Variants in NLRP1 observed in about 807,000 individuals in gnomAD.
NLRP1 encodes the protein NLR family pyrin domain containing 1.
NLRP1 carries 94 observed loss-of-function variants against 136.7 expected under a neutral mutation model. That is an observed-to-expected ratio of 0.69 (90% confidence interval 0.58 to 0.82). NLRP1 has a LOEUF of 0.82. NLRP1 is among the 40% of genes least tolerant of loss of function. The pLI, the probability that NLRP1 is intolerant of heterozygous loss-of-function variation, is 0.00. For missense variants in NLRP1, 1,575 were observed against 1,802.7 expected, an observed-to-expected ratio of 0.87 and a Z score of 2.29; for synonymous variants, 690 against 725.1, an observed-to-expected ratio of 0.95 and a Z score of 0.78.
intron 3 of NLRP1, among the ~76,000 whole-genome samples, chr17:5,577,759 C>T (rs1313388945): frequency 6.6e-6 from 1 of 152,126 alleles, no homozygotes; most frequent in East Asian, 1.9e-4. Flanking sequence ...GAAAAAACGA[C>T]TTAAAAGTTC....
rs958466383 is a variant in NLRP1 at position 5,504,922 on chromosome 17, T to TTGGTGG, written c.4070-3056_4070-3051dup. On this transcript the variant is annotated intron_variant, in intron 15 of 15. Coordinates refer to the NLRP1 transcript ENST00000262467. The surrounding 1 kb of genome is among the most constrained non-coding windows in gnomAD (Gnocchi z 4.4). ...TCATGCCCAGCTGAGGAAACAGGCT[T>TTGGTGG]TGGTGGTGGTGGTGGTGGTGGGGTG... The TTGGTGG allele has an allele frequency of 1.3e-5, 2 of 153,324 alleles. No individual in the cohort carries two copies. Among genetic ancestry groups the TTGGTGG allele is most frequent in the South Asian group, 2.1e-4 (1 of 4,854 alleles). 9.5% of individuals were successfully genotyped at this position (153,324 alleles called of 1,614,324 possible). A position where few individuals can be genotyped will look rare whatever the true frequency, so the allele number is the denominator to read the frequency against.
intron 5 of NLRP1, among the ~76,000 whole-genome samples, chr17:5,548,334 C>G (rs933007597): frequency 6.6e-6 from 1 of 152,200 alleles, no homozygotes; most frequent in African/African-American, 2.4e-5. Context: ...CTCATCTCCC[C>G]TCCTGTTACA....
chr17:5,559,066 A>G lies in NLRP1; in HGVS notation c.1630T>C (p.Ser544Pro). Residue 544 changes from serine (S) to proline (P), a missense_variant, in exon 4 of 17, where the codon TCC becomes CCC. Ser to Pro is a moderately conservative substitution (Grantham distance 74). Transcript: ENST00000572272. ...MKRKEKLTLT[S>P]KTTTTLCLHY... ...AGACAGAGGGTTGTGGTGGTCTTGG[A>G]AGTCAGTGTGAGTTTTTCCTTCCGC... is the stretch of plus-strand genomic sequence containing the variant. The G allele has an allele frequency of 6.2e-7, 1 of 1,614,016 alleles. No individual in the cohort carries two copies. The highest frequency in any genetic ancestry group is 8.5e-7 in the Non-Finnish European group (1 of 1,179,994).
At chr17:5,509,756 C>T (rs1321572827), downstream of NLRP1, among the ~76,000 whole-genome samples, 1 of 152,180 alleles carries the variant, frequency 6.6e-6, no homozygotes, top group African/African-American at 2.4e-5. Context: ...TCATCCGTCT[C>T]AGCCTCCCAA....
intron 12 of NLRP1, among the ~76,000 whole-genome samples, chr17:5,527,931 C>G (rs1490030700): frequency 1.3e-5 from 2 of 152,232 alleles, no homozygotes; most frequent in Admixed American, 6.5e-5. Flanking sequence ...CCAGCTCATC[C>G]ACCTCTGAGA....
intron 3 of NLRP1, among the ~76,000 whole-genome samples, chr17:5,566,719 A>G (rs867481842): frequency 9.2e-5 from 14 of 151,974 alleles, no homozygotes; most frequent in Non-Finnish European, 1.8e-4. Context: ...TTCTTTGCTG[A>G]TTTTCTGTCT....
chr17:5,521,420 C>A (rs1223663929), intron 13 of NLRP1, 104 bp downstream of exon 13: 4 of 1,208,478 alleles, frequency 3.3e-6, no homozygotes, highest in Non-Finnish European at 4.7e-6. Flanking sequence ...GTACAAGAGG[C>A]CCATCCTTGG....
In NLRP1 at chr17:5,521,709, C is replaced by T. The variant is rs1225106726; in HGVS notation, c.3598G>A (p.Val1200Met). The T allele has an allele frequency of 1.9e-6, 3 of 1,613,318 alleles. No homozygotes were observed. The highest frequency in any genetic ancestry group is 1.3e-5 in the African/African-American group (1 of 74,912). ...TCCAGAACTATGTGATGCAGCTCCA[C>T]CCTGGCTGGCTTCTCCAGGAGCATC... is the stretch of plus-strand genomic sequence containing the variant. ...EGMLLEKPAR[V>M]ELHHIVLENP... Residue 1200 changes from valine to methionine, a missense_variant, in exon 13 of 17, where the codon GTG becomes ATG. Transcript: ENST00000572272.
At chr17:5,570,316 A>G (rs1174938908) in intron 3 of NLRP1, among the ~76,000 whole-genome samples, 1 of 152,076 alleles carries the variant, frequency 6.6e-6, no homozygotes. Context: ...CAACAAAACC[A>G]AAAGTTCATT....
chr17:5,542,175 T>C (rs1911949521), intron 5 of NLRP1, 148 bp from the exon 6 acceptor site: 12 of 671,534 alleles, frequency 1.8e-5, no homozygotes, highest in South Asian at 1.4e-4. Flanking sequence ...GAAATGCACA[T>C]GGTACTTGGG....
At chr17:5,521,116 G>T in intron 13 of NLRP1, 104 bp from the exon 14 acceptor site, 1 of 1,188,642 alleles carries the variant, frequency 8.4e-7, no homozygotes. Context: ...ACAGAGTGGG[G>T]CTATATCACC....
At chr17:5,564,375 A>G (rs993678803) in intron 3 of NLRP1, among the ~76,000 whole-genome samples, 6 of 152,124 alleles carry the variant, frequency 3.9e-5, no homozygotes, top group Non-Finnish European at 7.4e-5. Flanking sequence ...GCTTCTGGTA[A>G]CCATCCTTCT....
rs534046451 is a variant in NLRP1 at position 5,564,108 on chromosome 17, G to A, written c.653-4065C>T. ...GGTGTATGTATTTATGGGGATCCATGAGATGGTTTGATACAAGTAAGCACT... is the reference window on the plus strand; with the variant it reads ...GGTGTATGTATTTATGGGGATCCATAAGATGGTTTGATACAAGTAAGCACT... On this transcript the variant is annotated intron_variant, in intron 3 of 16. Coordinates refer to ENST00000572272, the MANE Select transcript of NLRP1 (RefSeq NM_033004.4). Among the ~76,000 whole-genome samples, 6 of 152,308 alleles carry A rather than the reference G, an allele frequency of 3.9e-5. No individual in the cohort carries two copies. The South Asian group carries it at 6.2e-4, about 16-fold the overall frequency.
intron 12 of NLRP1, among the ~76,000 whole-genome samples, chr17:5,529,448 A>G (rs1597407097): frequency 6.6e-6 from 1 of 151,596 alleles, no homozygotes; most frequent in East Asian, 1.9e-4. Flanking sequence ...GCTCACTGCA[A>G]GCTCCACCTC....
In NLRP1 at chr17:5,541,574, T is replaced by C. The variant is rs941740223; in HGVS notation, c.2699+283A>G. Among the ~76,000 whole-genome samples, 5 of 152,182 alleles carry C rather than the reference T, an allele frequency of 3.3e-5. 1 individual carries two copies. Among genetic ancestry groups the C allele is most frequent in the Admixed American group, 3.3e-4 (5 of 15,288 alleles). ...GCACGATTATCATCATCCTCTGTGG[T>C]AGTCTGTGAAAATGGCCACAAATTC... On this transcript the variant is annotated intron_variant, in intron 6 of 16. Transcript: ENST00000572272. The surrounding 1 kb of genome is among the most constrained non-coding windows in gnomAD (Gnocchi z 4.2).
intron 5 of NLRP1, among the ~76,000 whole-genome samples, chr17:5,552,549 C>T (rs1913509147): frequency 6.6e-6 from 1 of 152,094 alleles, no homozygotes; most frequent in African/African-American, 2.4e-5. Flanking sequence ...TTTAGTATTC[C>T]CCATCTTGAT....
rs139685583 is a variant in NLRP1, at chr17:5,541,908, T to C, written c.2648A>G (p.Lys883Arg). Residue 883 changes from lysine to arginine, a missense_variant, in exon 6 of 17, where the codon AAA (lysine) becomes AGA (arginine). Transcript: ENST00000572272. This position sits in a 1 kb window ranked among gnomAD's most constrained non-coding sequence, Gnocchi z 4.2. ...SFNVLTDAGA[K>R]HLCQRLRQPS... ...CTGTCTCAGTCTCTGGCAAAGGTGT[T>C]TGGCTCCAGCATCCGTGAGCACATT... is the stretch of plus-strand genomic sequence containing the variant. 49 of 1,613,902 alleles carry C rather than the reference T, an allele frequency of 3.0e-5. No homozygotes were observed. The highest frequency in any genetic ancestry group is 4.0e-5 in the Non-Finnish European group (47 of 1,180,028).
At chr17:5,551,771 T>C (rs1310492511) in intron 5 of NLRP1, among the ~76,000 whole-genome samples, 1 of 152,160 alleles carries the variant, frequency 6.6e-6, no homozygotes, top group African/African-American at 2.4e-5. Context: ...TTAAAAAAAT[T>C]TTGAGTAATT....
Position 5,541,923 on chromosome 17 carries a change from G to A in NLRP1, c.2633C>T (p.Thr878Met), listed in dbSNP as rs11657747. Reference sequence around the variant, plus strand: ...GCAAAGGTGTTTGGCTCCAGCATCCGTGAGCACATTGAAGCTCAGGTCCAG... The same window carrying A: ...GCAAAGGTGTTTGGCTCCAGCATCCATGAGCACATTGAAGCTCAGGTCCAG... ...TELDLSFNVL[T>M]DAGAKHLCQR... The change falls in exon 6 of 17, where the codon ACG (threonine) becomes ATG (methionine). Residue 878 changes from threonine (T) to methionine (M), a missense_variant. Transcript: ENST00000572272. The surrounding 1 kb of genome is among the most constrained non-coding windows in gnomAD (Gnocchi z 4.2). The A allele has an allele frequency of 0.046, 74,639 of 1,613,886 alleles. 1,937 individuals are homozygous for A. The highest frequency in any genetic ancestry group is 0.077 in the Middle Eastern group (467 of 6,062).
Sources: allele counts gnomAD v4.1 joint callset (sites outside exome capture counted in the v4.1 genomes callset), GRCh38; gene constraint gnomAD v4.1.1; non-coding constraint Gnocchi (gnomAD v3.1); transcripts MANE v1.5; gene names NCBI Gene and HGNC (gene_info 2026-07-23, HGNC 2026-07-21).